Variants in SNX7 observed in about 807,000 individuals in gnomAD.
The protein encoded by SNX7 is sorting nexin 7, also known as sorting nexin-7.
In SNX7, 35 loss-of-function variants were observed where a neutral mutation model predicts 48.4. The observed-to-expected ratio is 0.72, with a 90% CI of 0.55 to 0.96. The LOEUF (loss-of-function observed/expected upper bound fraction) is 0.96. SNX7 is among the 40% of genes least tolerant of loss of function. The pLI, the probability that SNX7 is intolerant of heterozygous loss-of-function variation, is 0.00. For synonymous variants in SNX7, 190 were observed against 190.2 expected (o/e 1.00, Z 0.01); for missense variants, 553 against 548.9 (o/e 1.01, Z -0.07).
chr1:98,750,274 C>G (rs1482136), intron 8 of SNX7, among the ~76,000 whole-genome samples: 1 of 151,830 alleles, frequency 6.6e-6, no homozygotes, highest in East Asian at 1.9e-4. Context: ...TTACCTATGG[C>G]GATATCAACT....
At chr1:98,679,416 C>T (rs1033069899) in intron 1 of SNX7, among the ~76,000 whole-genome samples, 4 of 152,134 alleles carry the variant, frequency 2.6e-5, no homozygotes, top group Non-Finnish European at 5.9e-5. Context: ...CCCCTGGCGC[C>T]TCCCAAATCT....
intron 7 of SNX7, among the ~76,000 whole-genome samples, chr1:98,713,721 C>T (rs959907745): frequency 3.9e-5 from 6 of 152,102 alleles, no homozygotes; most frequent in Admixed American, 2.6e-4. Flanking sequence ...TATTGTCTCT[C>T]AGGGAATACG....
chr1:98,730,370 A>C (rs1462930779), intron 7 of SNX7, among the ~76,000 whole-genome samples: 1 of 152,138 alleles, frequency 6.6e-6, no homozygotes, highest in Non-Finnish European at 1.5e-5. Flanking sequence ...GCTGTCTGTC[A>C]CCACTCCTAT....
At chr1:98,750,468 A>T (rs1187586066) in intron 8 of SNX7, among the ~76,000 whole-genome samples, 2 of 152,116 alleles carry the variant, frequency 1.3e-5, no homozygotes, top group Non-Finnish European at 2.9e-5. Flanking sequence ...ATGCATATAC[A>T]TATATGTATT....
At chr1:98,736,083 A>G (rs1653766911) in intron 7 of SNX7, among the ~76,000 whole-genome samples, 1 of 152,218 alleles carries the variant, frequency 6.6e-6, no homozygotes, top group Non-Finnish European at 1.5e-5. Context: ...AACTCTCTGC[A>G]GTAAATCCTT....
intron 1 of SNX7, among the ~76,000 whole-genome samples, chr1:98,670,865 G>A (rs932004811): frequency 1.0e-4 from 9 of 87,258 alleles, no homozygotes; most frequent in Non-Finnish European, 1.6e-4. Flanking sequence ...TGTAGAGACA[G>A]TGAGTTTTAT....
chr1:98,743,559 A>G (rs1174068329), intron 8 of SNX7, among the ~76,000 whole-genome samples: 1 of 152,098 alleles, frequency 6.6e-6, no homozygotes, highest in Admixed American at 6.6e-5. Flanking sequence ...GATGAACAGT[A>G]CTACTAATGT....
At chr1:98,738,415 T>C (rs1653904497) in intron 8 of SNX7, 26 bp downstream of exon 8, 1 of 1,605,714 alleles carries the variant, frequency 6.2e-7, no homozygotes, top group Non-Finnish European at 8.5e-7. Flanking sequence ...TGATATTGCT[T>C]CATTTTAAAG....
intron 2 of SNX7, among the ~76,000 whole-genome samples, chr1:98,690,152 T>G (rs149890724): frequency 6.6e-6 from 1 of 152,256 alleles, no homozygotes; most frequent in Admixed American, 6.5e-5. Context: ...GAAATATATA[T>G]GCAATGTGTT....
intron 8 of SNX7, among the ~76,000 whole-genome samples, chr1:98,738,859 T>A (rs1053114242): frequency 1.8e-4 from 27 of 149,684 alleles, no homozygotes; most frequent in Admixed American, 1.7e-3. Flanking sequence ...TATTTCAATT[T>A]TTTTACAGCT....
At chr1:98,688,286 C>T (rs751482892) in intron 2 of SNX7, among the ~76,000 whole-genome samples, 24 of 152,094 alleles carry the variant, frequency 1.6e-4, no homozygotes, top group Non-Finnish European at 2.9e-4. Flanking sequence ...ATGATTGTAT[C>T]GGGAAGACCA....
At chr1:98,744,825 C>G (rs1654238534) in intron 8 of SNX7, among the ~76,000 whole-genome samples, 1 of 151,906 alleles carries the variant, frequency 6.6e-6, no homozygotes, top group Non-Finnish European at 1.5e-5. Context: ...AAAAGCCCAC[C>G]CTTTACCAAC....
intron 7 of SNX7, among the ~76,000 whole-genome samples, 193 bp downstream of exon 7, chr1:98,702,096 A>G (rs1193563746): frequency 6.6e-6 from 1 of 152,148 alleles, no homozygotes; most frequent in Non-Finnish European, 1.5e-5. Flanking sequence ...CAAGCTTAAC[A>G]ATGACGGTTT....
chr1:98,695,369 C>G, intron 4 of SNX7, 149 bp from the exon 5 acceptor site: 5 of 686,574 alleles, frequency 7.3e-6, no homozygotes, highest in Non-Finnish European at 1.2e-5. Context: ...CTTAATAAAG[C>G]TCATCTGCTT....
chr1:98,679,259 A>G (rs1463576655), intron 1 of SNX7, among the ~76,000 whole-genome samples: 1 of 152,148 alleles, frequency 6.6e-6, no homozygotes, highest in Non-Finnish European at 1.5e-5. Flanking sequence ...CGTGAAACGT[A>G]TTCATTGTCA....
At chr1:98,746,509 C>T (rs1205479822) in intron 8 of SNX7, among the ~76,000 whole-genome samples, 1 of 152,044 alleles carries the variant, frequency 6.6e-6, no homozygotes, top group Non-Finnish European at 1.5e-5. Flanking sequence ...AATTTGTTTG[C>T]TCACAGAAGC....
At chr1:98,714,733 G>A (rs79929770) in intron 7 of SNX7, among the ~76,000 whole-genome samples, 3,154 of 152,218 alleles carry the variant, frequency 0.021, 117 homozygotes, top group African/African-American at 0.073. Context: ...CAGGAGGTTT[G>A]TTAGGTTGCA....
chr1:98,669,640 C>CAATTTGAGAAG (rs1557785122), intron 1 of SNX7, among the ~76,000 whole-genome samples: 18 of 152,322 alleles, frequency 1.2e-4, no homozygotes, highest in Admixed American at 1.2e-3. Flanking sequence ...TTTGTTTCCA[C>CAATTTGAGAAG]CGTACAATTT....
intron 7 of SNX7, among the ~76,000 whole-genome samples, chr1:98,721,051 A>G (rs1269529529): frequency 1.3e-5 from 2 of 151,828 alleles, no homozygotes; most frequent in Non-Finnish European, 2.9e-5. Context: ...ACATCTCCCA[A>G]TAGATGTTCA....
Sources: gnomAD v4.1 joint callset for allele counts (sites outside exome capture counted in the v4.1 genomes callset) on GRCh38, gnomAD v4.1.1 for gene constraint, MANE v1.5 for transcripts, NCBI Gene and HGNC (gene_info 2026-07-23, HGNC 2026-07-21) for gene names.